GPRC5D: variants seen among roughly 807,000 people sequenced by gnomAD.
GPRC5D encodes G protein-coupled receptor family C group 5 member D.
In GPRC5D, 20 loss-of-function variants were observed where a neutral mutation model predicts 29.3. The observed-to-expected ratio is 0.68, with a 90% CI of 0.48 to 0.99. GPRC5D has a LOEUF of 0.99. Among genes scored for constraint, GPRC5D ranks in the 50% least tolerant of loss-of-function variants. The pLI, the probability that GPRC5D is intolerant of heterozygous loss-of-function variation, is 0.00. For synonymous variants in GPRC5D, 178 were observed against 171.3 expected, an observed-to-expected ratio of 1.04 and a Z score of -0.30; for missense variants, 384 against 423.6, an observed-to-expected ratio of 0.91 and a Z score of 0.82.
chr12:12,944,603 C>T (rs1227483013), intron 1 of GPRC5D: 1 of 151,880 alleles, frequency 6.6e-6, no homozygotes, highest in Non-Finnish European at 1.5e-5. Flanking sequence ...TGGTTCATCT[C>T]GTTTTATACT....
intron 1 of GPRC5D, among the ~76,000 whole-genome samples, chr12:12,946,629 A>G (rs1485313447): frequency 6.6e-6 from 1 of 151,512 alleles, no homozygotes; most frequent in African/African-American, 2.4e-5. Flanking sequence ...TAATTTTTGT[A>G]TTTTTAATAG....
At chr12:12,946,067 A>G (rs1221746376) in intron 1 of GPRC5D, among the ~76,000 whole-genome samples, 3 of 152,232 alleles carry the variant, frequency 2.0e-5, no homozygotes, top group African/African-American at 7.2e-5. Flanking sequence ...TTCTTTAGAT[A>G]GACTTCCAGG....
chr12:12,942,217 G>A (rs749637727), intron 2 of GPRC5D, 44 bp downstream of exon 3: 1 of 1,228,218 alleles, frequency 8.1e-7, no homozygotes, highest in Non-Finnish European at 1.2e-6. Flanking sequence ...AGGAAGGAAT[G>A]CTTGCTAAGT....
At position 12,949,851 on chromosome 12, in the gene GPRC5D, G is replaced by A. The variant is rs748346890; in HGVS notation, c.534C>T (p.Leu178=). The A allele has an allele frequency of 1.9e-6, 3 of 1,614,032 alleles. No homozygotes were observed. In the East Asian group the frequency reaches 6.7e-5, roughly 36 times the overall value. The change falls in exon 1 of 3, where the codon CTC becomes CTT. Residue 178 remains leucine, a synonymous_variant. Coordinates refer to ENST00000228887, the Ensembl canonical transcript of GPRC5D. ...CGAAGAATGTGAGGGCCATCAGGAA[G>A]AGGACATAGACCAGGAGTACAACAA...
chr12:12,944,857 C>A (rs1863258574), intron 1 of GPRC5D, among the ~76,000 whole-genome samples: 1 of 84,462 alleles, frequency 1.2e-5, no homozygotes, highest in Non-Finnish European at 2.3e-5. Flanking sequence ...TTCCTTCTTT[C>A]TTTCTTTCTT....
At chr12:12,947,808 C>T (rs529412128) in intron 1 of GPRC5D, among the ~76,000 whole-genome samples, 22 of 152,232 alleles carry the variant, frequency 1.4e-4, no homozygotes, top group Non-Finnish European at 1.9e-4. Flanking sequence ...CCAGCCGCCT[C>T]GGCCTCCCAA....
chr12:12,949,951 G>A (rs778879797), exon 1 of GPRC5D: 1 of 1,613,782 alleles, frequency 6.2e-7, no homozygotes, highest in East Asian at 2.2e-5. Context: ...CACATACTCA[G>A]TGGCAATAAT....
exon 1 of GPRC5D, chr12:12,949,824 G>A: frequency 1.2e-6 from 2 of 1,614,166 alleles, no homozygotes; most frequent in Non-Finnish European, 1.7e-6. Context: ...TGGCTTTGGA[G>A]ACGAAGAATG....
exon 1 of GPRC5D, chr12:12,950,204 G>C (rs1250686747): frequency 6.2e-7 from 1 of 1,613,682 alleles, no homozygotes; most frequent in African/African-American, 1.3e-5. Flanking sequence ...AGCTGGGTGG[G>C]GAGGACATTC....
At chr12:12,941,518 C>A (rs565212073) in intron 2 of GPRC5D, among the ~76,000 whole-genome samples, 1 of 152,274 alleles carries the variant, frequency 6.6e-6, no homozygotes, top group South Asian at 2.1e-4. Context: ...GATAACATAC[C>A]AGAGGGGTTA....
At position 12,942,369 on chromosome 12, in the gene GPRC5D, A is replaced by G. The variant is rs200107371; in HGVS notation, c.896-41T>C. 1.7e-4 allele frequency: 226 copies of G among 1,315,310 alleles called. No individual in the cohort carries two copies. In the African/African-American group the frequency reaches 2.8e-3, roughly 16 times the overall value. The allele number at this position is 1,315,310 out of a possible 1,614,324, so 81.5% of individuals were successfully genotyped here. A position where few individuals can be genotyped will look rare whatever the true frequency, so the allele number is the denominator to read the frequency against. On this transcript the variant is annotated intron_variant, in intron 1 of 2. Transcript: ENST00000228887. ...GGGAAGGGCTGGGTTAGTGTCCGAGAGTCAATCGGAAACAGCACATGAGGA... is the reference window on the plus strand; with the variant it reads ...GGGAAGGGCTGGGTTAGTGTCCGAGGGTCAATCGGAAACAGCACATGAGGA...
In GPRC5D at chr12:12,950,114, C is replaced by CG; in HGVS notation, c.270dup (p.Val91ArgfsTer56). 1 of 1,614,020 alleles carries CG rather than the reference C, an allele frequency of 6.2e-7. No homozygotes were observed. ...AGAACCCCAAAGAGAAAGTAGCGTA[C>CG]GGGGGCAGTTTGTTGATTGAGCTCG... On this transcript the variant is annotated frameshift_variant, in exon 1 of 3. Coordinates refer to ENST00000228887, the Ensembl canonical transcript of GPRC5D. LOFTEE classifies it high-confidence loss of function.
At chr12:12,950,921 A>T (rs1374105579), upstream of GPRC5D, among the ~76,000 whole-genome samples, 1 of 152,094 alleles carries the variant, frequency 6.6e-6, no homozygotes, top group East Asian at 1.9e-4. Context: ...CCTGGCCAAC[A>T]TGGTGAAACC....
intron 1 of GPRC5D, among the ~76,000 whole-genome samples, chr12:12,944,800 C>CCTTTCCTTCCTTCCTTCCTT: frequency 8.8e-5 from 1 of 11,410 alleles, no homozygotes; most frequent in African/African-American, 1.5e-4. Context: ...TTCCTTCCTT[C>CCTTTCCTTCCTTCCTTCCTT]CCTTCCTTCC....
At chr12:12,942,352 C>T in intron 1 of GPRC5D, 24 bp from the exon 3 acceptor site, 1 of 1,555,664 alleles carries the variant, frequency 6.4e-7, no homozygotes, top group Non-Finnish European at 8.9e-7. Context: ...GAGGGAAGGG[C>T]TGGGTTAGTG....
Position 12,942,880 on chromosome 12 carries a change from C to G in GPRC5D, c.896-552G>C, listed in dbSNP as rs112096100. 2.9e-3 allele frequency among the ~76,000 whole-genome samples: 435 copies of G among 152,366 alleles called. 6 individuals are homozygous for G. The highest frequency in any genetic ancestry group is 9.8e-3 in the African/African-American group (407 of 41,590). ...CGCATTGGCGTTGGGAGACCACTAG[C>G]TCCAAGTCAGTTCTTGCTCTCTCAG... On this transcript the variant is annotated intron_variant, in intron 1 of 2. Transcript: ENST00000228887.
exon 1 of GPRC5D, chr12:12,950,330 C>G: frequency 1.2e-6 from 2 of 1,612,566 alleles, no homozygotes; most frequent in East Asian, 2.2e-5. Flanking sequence ...CATGGCCCCT[C>G]GGCGTCACAG....
At chr12:12,944,843 T>TC (rs1565477365) in intron 1 of GPRC5D, among the ~76,000 whole-genome samples, 3 of 28,258 alleles carry the variant, frequency 1.1e-4, no homozygotes, top group Non-Finnish European at 2.0e-4. Context: ...CCTTCCTTCC[T>TC]TCCTTCCTTC....
Position 12,940,854 on chromosome 12 carries a change from A to G in GPRC5D, c.964-5T>C. The G allele has an allele frequency of 2.5e-6, 4 of 1,572,366 alleles. No homozygotes were observed. The African/African-American group carries it at 5.4e-5, about 21-fold the overall frequency. ...CTCTTGTGTGGGATCAACAGTCTGG[A>G]AAGGAAGAAATGCCATCATCAACTT... On this transcript the variant is annotated splice_polypyrimidine_tract_variant and splice_region_variant and intron_variant, in intron 2 of 2. Coordinates refer to ENST00000228887, the Ensembl canonical transcript of GPRC5D.
Sources: gnomAD v4.1 joint callset for allele counts (sites outside exome capture counted in the v4.1 genomes callset) on GRCh38, gnomAD v4.1.1 for gene constraint, MANE v1.5 for transcripts, NCBI Gene and HGNC (gene_info 2026-07-23, HGNC 2026-07-21) for gene names.